CDH13: variants seen among roughly 807,000 people sequenced by gnomAD.
The protein encoded by CDH13 is cadherin 13, also known as cadherin-13.
A neutral mutation model predicts 63.8 loss-of-function variants in CDH13; 24 were observed. The observed-to-expected ratio is 0.38, with a 90% CI of 0.27 to 0.53. The LOEUF is 0.53. Ranked by LOEUF, CDH13 falls within the 20% of genes least tolerant of loss-of-function variation. CDH13 has a pLI of 0.85. For missense variants in CDH13, 1,049 were observed against 903.1 expected (o/e 1.16, Z -2.07); for synonymous variants, 503 against 355.3 (o/e 1.42, Z -4.67).
chr16:83,524,125 C>G (rs938241266), intron 7 of CDH13, among the ~76,000 whole-genome samples: 1 of 152,162 alleles, frequency 6.6e-6, no homozygotes, highest in Non-Finnish European at 1.5e-5. Flanking sequence ...TCTGTCACGA[C>G]CTTACCATGC....
At chr16:83,264,819 TTTCAC>T (rs1444035430) in intron 5 of CDH13, among the ~76,000 whole-genome samples, 1 of 152,108 alleles carries the variant, frequency 6.6e-6, no homozygotes, top group African/African-American at 2.4e-5. Flanking sequence ...CTATTATAAT[TTTCAC>T]TTATAAACAT....
At chr16:83,568,906 C>T (rs1041156698) in intron 7 of CDH13, among the ~76,000 whole-genome samples, 1 of 152,050 alleles carries the variant, frequency 6.6e-6, no homozygotes, top group African/African-American at 2.4e-5. Context: ...CTCAGAACTG[C>T]CTCTCTGCTC....
intron 1 of CDH13, chr16:82,829,324 G>A (rs1597727790): frequency 6.6e-6 from 1 of 152,252 alleles, no homozygotes; most frequent in African/African-American, 2.4e-5. Flanking sequence ...CGCCTGACTA[G>A]GATGATGGAT....
intron 4 of CDH13, among the ~76,000 whole-genome samples, chr16:83,190,629 A>C (rs1171162677): frequency 2.6e-5 from 4 of 152,186 alleles, no homozygotes; most frequent in African/African-American, 4.8e-5. Flanking sequence ...GAGACTGATC[A>C]ATTTACATGC....
intron 2 of CDH13, among the ~76,000 whole-genome samples, chr16:83,008,374 G>A (rs1054325706): frequency 3.3e-5 from 5 of 152,170 alleles, no homozygotes; most frequent in African/African-American, 4.8e-5. Context: ...TGGAAATGTG[G>A]GGGAATTGCA....
At chr16:83,099,998 A>G (rs942533630) in intron 3 of CDH13, among the ~76,000 whole-genome samples, 3 of 151,936 alleles carry the variant, frequency 2.0e-5, no homozygotes, top group African/African-American at 7.3e-5. Flanking sequence ...TGCAGTCACA[A>G]TCTCTGTTTC....
intron 6 of CDH13, among the ~76,000 whole-genome samples, chr16:83,356,923 A>G (rs915401429): frequency 2.0e-5 from 3 of 152,190 alleles, no homozygotes; most frequent in African/African-American, 7.2e-5. Flanking sequence ...CTTTTCAAAG[A>G]AGTGTCAAAA....
chr16:83,232,699 A>G (rs2040038648), intron 5 of CDH13, among the ~76,000 whole-genome samples: 1 of 152,106 alleles, frequency 6.6e-6, no homozygotes, highest in Non-Finnish European at 1.5e-5. Context: ...TGCCAGCATC[A>G]TGCTTCCTAT....
chr16:83,329,900 A>T (rs569930843), intron 5 of CDH13, among the ~76,000 whole-genome samples: 2 of 152,172 alleles, frequency 1.3e-5, no homozygotes, highest in Non-Finnish European at 2.9e-5. Context: ...GAATGAATAT[A>T]CCACATTTTG....
chr16:82,743,083 C>T (rs1052705533), intron 1 of CDH13, among the ~76,000 whole-genome samples: 10 of 152,100 alleles, frequency 6.6e-5, no homozygotes, highest in Admixed American at 3.3e-4. Flanking sequence ...ATGTATGTAG[C>T]GCCCACAACA....
At chr16:83,544,203 A>C (rs1598263212) in intron 7 of CDH13, among the ~76,000 whole-genome samples, 1 of 152,162 alleles carries the variant, frequency 6.6e-6, no homozygotes, top group Non-Finnish European at 1.5e-5. Flanking sequence ...AGTCTCCAGC[A>C]CTGAGACTGA....
chr16:83,218,231 A>G (rs1380228973), intron 5 of CDH13, among the ~76,000 whole-genome samples: 1 of 152,210 alleles, frequency 6.6e-6, no homozygotes, highest in Admixed American at 6.5e-5. Context: ...CGTTGGAGGC[A>G]TAAAGTGCTG....
At chr16:82,780,299 A>C (rs2035692976) in intron 1 of CDH13, among the ~76,000 whole-genome samples, 1 of 152,208 alleles carries the variant, frequency 6.6e-6, no homozygotes, top group African/African-American at 2.4e-5. Context: ...CTGGAATGCA[A>C]GGAGGTGGAA....
chr16:83,492,603 C>G (rs937085313), intron 7 of CDH13, among the ~76,000 whole-genome samples: 1 of 152,176 alleles, frequency 6.6e-6, no homozygotes, highest in African/African-American at 2.4e-5. Context: ...TGAAACACAG[C>G]TAACCACCCT....
chr16:83,592,461 T>A (rs1293735679), intron 7 of CDH13, among the ~76,000 whole-genome samples: 1 of 152,242 alleles, frequency 6.6e-6, no homozygotes, highest in African/African-American at 2.4e-5. Flanking sequence ...TCACACTGAA[T>A]GTCAAGTATT....
intron 6 of CDH13, among the ~76,000 whole-genome samples, chr16:83,410,262 G>T (rs2092106822): frequency 6.6e-6 from 1 of 152,182 alleles, no homozygotes. Context: ...ATTTCCTGCA[G>T]AATCAAAACC....
At chr16:83,198,633 C>T (rs984498839) in intron 4 of CDH13, among the ~76,000 whole-genome samples, 5 of 152,200 alleles carry the variant, frequency 3.3e-5, no homozygotes, top group Admixed American at 6.5e-5. Context: ...CTCCATCCCA[C>T]TCTGTGGCTT....
At chr16:83,026,883 G>C (rs369030465) in intron 2 of CDH13, among the ~76,000 whole-genome samples, 2 of 152,222 alleles carry the variant, frequency 1.3e-5, no homozygotes, top group South Asian at 4.2e-4. Flanking sequence ...CACCACCTCT[G>C]ACTTCACCAA....
chr16:83,033,982 A>G (rs182513507), intron 3 of CDH13, among the ~76,000 whole-genome samples: 1 of 151,946 alleles, frequency 6.6e-6, no homozygotes, highest in African/African-American at 2.4e-5. Context: ...CATTTTGTTC[A>G]GTGGTGGAGC....
Sources: gnomAD v4.1 joint callset for allele counts (sites outside exome capture counted in the v4.1 genomes callset) on GRCh38, gnomAD v4.1.1 for gene constraint, MANE v1.5 for transcripts, NCBI Gene and HGNC (gene_info 2026-07-23, HGNC 2026-07-21) for gene names.